Variants in RCOR3 observed in about 807,000 individuals in gnomAD.
The protein encoded by RCOR3 is REST corepressor 3.
Under a neutral mutation model 64.1 loss-of-function variants are expected in RCOR3, and 13 were observed. The observed-to-expected ratio is 0.20, with a 90% confidence interval of 0.13 to 0.32. The LOEUF (loss-of-function observed/expected upper bound fraction) is 0.32, where lower values mean the gene tolerates loss of function less well. Among genes scored for constraint, RCOR3 ranks in the 10% least tolerant of loss-of-function variants. The pLI is 1.00. For synonymous variants in RCOR3, 215 were observed against 239.0 expected, an observed-to-expected ratio of 0.90 and a Z score of 0.93; for missense variants, 489 against 701.2, an observed-to-expected ratio of 0.70 and a Z score of 3.42.
chr1:211,298,219 A>G (rs1700036483), intron 9 of RCOR3, among the ~76,000 whole-genome samples: 3 of 152,214 alleles, frequency 2.0e-5, no homozygotes, highest in Non-Finnish European at 4.4e-5. Context: ...AAGTTGTATG[A>G]TAGATTTATA....
intron 2 of RCOR3, among the ~76,000 whole-genome samples, chr1:211,261,979 G>A (rs1169896144): frequency 7.1e-6 from 1 of 141,774 alleles, no homozygotes; most frequent in East Asian, 2.0e-4. Context: ...TTCTTTTTGT[G>A]GTCTGAGCAA....
chr1:211,265,524 C>T (rs1014506037), intron 2 of RCOR3, among the ~76,000 whole-genome samples: 2 of 152,174 alleles, frequency 1.3e-5, no homozygotes, highest in African/African-American at 2.4e-5. Context: ...TCAAGACCAG[C>T]CTGGCCAACA....
chr1:211,284,818 C>T (rs996075477), intron 7 of RCOR3, among the ~76,000 whole-genome samples: 1 of 152,206 alleles, frequency 6.6e-6, no homozygotes, highest in Non-Finnish European at 1.5e-5. Flanking sequence ...CCTACCATGC[C>T]TGGCTATTTA....
intron 2 of RCOR3, among the ~76,000 whole-genome samples, chr1:211,269,978 G>T (rs1695882605): frequency 6.6e-6 from 1 of 151,958 alleles, no homozygotes; most frequent in Middle Eastern, 3.4e-3. Context: ...AAGAAAGAAA[G>T]AAATTAGAAA....
chr1:211,288,544 T>C (rs1026355964), intron 7 of RCOR3, among the ~76,000 whole-genome samples: 1 of 146,936 alleles, frequency 6.8e-6, no homozygotes, highest in Non-Finnish European at 1.5e-5. Flanking sequence ...ATTATAAAAT[T>C]ATTTATAAAT....
intron 2 of RCOR3, 28 bp downstream of exon 2, chr1:211,260,192 C>A: frequency 6.2e-7 from 1 of 1,603,718 alleles, no homozygotes; most frequent in South Asian, 1.1e-5. Flanking sequence ...AGCAAAATCT[C>A]ATATCCCCTT....
chr1:211,285,253 T>C (rs1698371832), intron 7 of RCOR3, among the ~76,000 whole-genome samples: 1 of 152,240 alleles, frequency 6.6e-6, no homozygotes, highest in Non-Finnish European at 1.5e-5. Flanking sequence ...TTTCTGATCG[T>C]AAAGAGAATC....
In RCOR3 at chr1:211,285,046, T is replaced by C. The variant is rs1252877403; in HGVS notation, c.721-4132T>C. ...CTATTTGGTGGTTCTTCTTAAGGAG[T>C]GTGTACCTTGGTTATTCTTGGACCT... is the stretch of plus-strand genomic sequence containing the variant. On this transcript the variant is annotated intron_variant, in intron 7 of 11. Transcript: ENST00000419091. Among the ~76,000 whole-genome samples, 3 of 152,162 alleles carry C rather than the reference T, an allele frequency of 2.0e-5. No homozygotes were observed. The East Asian group carries it at 5.8e-4, about 29-fold the overall frequency.
chr1:211,310,883 T>A (rs1558115329), intron 10 of RCOR3, among the ~76,000 whole-genome samples: 1 of 152,200 alleles, frequency 6.6e-6, no homozygotes. Flanking sequence ...TAAACTCGTG[T>A]ATTCAGTAGG....
At chr1:211,264,440 G>A (rs1407951367) in intron 2 of RCOR3, among the ~76,000 whole-genome samples, 5 of 152,206 alleles carry the variant, frequency 3.3e-5, no homozygotes, top group African/African-American at 1.2e-4. Context: ...CCAGCTCTTT[G>A]GGAGGCTGAG....
rs184142459 is a variant in RCOR3, at chr1:211,302,094, A to G, written c.1018-1989A>G. 4.6e-5 allele frequency: 7 copies of G among 152,350 alleles called. No homozygotes were observed. In the East Asian group the frequency reaches 1.3e-3, roughly 29 times the overall value. 9.4% of individuals were successfully genotyped at this position (152,350 alleles called of 1,614,324 possible). A position where few individuals can be genotyped will look rare whatever the true frequency, so the allele number is the denominator to read the frequency against. The stretch of plus-strand genomic sequence containing the variant: ...CCATGTAATGCATGGAGAAGCAAAA[A>G]TTGCCAAACAAGAACACTGACTAAT... On this transcript the variant is annotated intron_variant, in intron 9 of 11. Transcript: ENST00000419091.
intron 10 of RCOR3, among the ~76,000 whole-genome samples, chr1:211,306,290 G>A (rs192360324): frequency 3.0e-4 from 46 of 151,934 alleles, no homozygotes; most frequent in Admixed American, 1.4e-3. Flanking sequence ...GGGCGTAATT[G>A]CAGGGTCTTT....
intron 2 of RCOR3, among the ~76,000 whole-genome samples, chr1:211,270,399 A>T (rs1695975730): frequency 6.6e-6 from 1 of 152,162 alleles, no homozygotes; most frequent in African/African-American, 2.4e-5. Flanking sequence ...TCTAATGTAG[A>T]TCACAAACTT....
chr1:211,292,978 G>T (rs1360122874), intron 8 of RCOR3, among the ~76,000 whole-genome samples: 1 of 152,006 alleles, frequency 6.6e-6, no homozygotes, highest in Non-Finnish European at 1.5e-5. Context: ...CAGCTACTCA[G>T]GAGGCTGAGG....
In RCOR3 at chr1:211,259,453, CCGT is replaced by C; in HGVS notation, c.-106_-104del. The C allele has an allele frequency of 9.0e-7, 1 of 1,109,012 alleles. No homozygotes were observed. Among genetic ancestry groups the C allele is most frequent in the Non-Finnish European group, 1.3e-6 (1 of 793,400 alleles). 68.7% of individuals were successfully genotyped at this position (1,109,012 alleles called of 1,614,324 possible). A position where few individuals can be genotyped will look rare whatever the true frequency, so the allele number is the denominator to read the frequency against. ...GCCTCCTCCTCCTCCGCCGCCGCCGCCGTCTCCTCCTCCTCCTCCTTTCCCTCC... is the reference window on the plus strand; with the variant it reads ...GCCTCCTCCTCCTCCGCCGCCGCCGCCTCCTCCTCCTCCTCCTTTCCCTCC... On this transcript the variant is annotated 5_prime_UTR_variant, in exon 1 of 12. Transcript: ENST00000419091.
chr1:211,263,118 C>G (rs866203877), intron 2 of RCOR3, among the ~76,000 whole-genome samples: 1 of 145,484 alleles, frequency 6.9e-6, no homozygotes, highest in East Asian at 2.1e-4. Flanking sequence ...TGAGAACATG[C>G]GGTGTTTGGT....
At chr1:211,270,606 A>G (rs561953288) in intron 2 of RCOR3, among the ~76,000 whole-genome samples, 13 of 151,964 alleles carry the variant, frequency 8.6e-5, no homozygotes, top group South Asian at 2.1e-4. Flanking sequence ...ATTTTTAATG[A>G]TGATCTCTAA....
At chr1:211,289,665 A>G (rs2102573231) in intron 8 of RCOR3, among the ~76,000 whole-genome samples, 1 of 152,362 alleles carries the variant, frequency 6.6e-6, no homozygotes, top group East Asian at 1.9e-4. Context: ...AATCGGGGAT[A>G]ATAATCATTC....
At chr1:211,285,460 A>G (rs1419339824) in intron 7 of RCOR3, among the ~76,000 whole-genome samples, 2 of 152,132 alleles carry the variant, frequency 1.3e-5, no homozygotes, top group Non-Finnish European at 2.9e-5. Context: ...AGTGGAAACT[A>G]CTCAGCTGTT....
Sources: gnomAD v4.1 joint callset for allele counts (sites outside exome capture counted in the v4.1 genomes callset) on GRCh38, gnomAD v4.1.1 for gene constraint, MANE v1.5 for transcripts, NCBI Gene and HGNC (gene_info 2026-07-23, HGNC 2026-07-21) for gene names.